Variants in RMC1 observed in about 807,000 individuals in gnomAD.
RMC1 encodes the protein regulator of MON1-CCZ1 complex.
Under a neutral mutation model 95.5 loss-of-function variants are expected in RMC1, and 44 were observed. That is an observed-to-expected ratio of 0.46 (90% confidence interval 0.36 to 0.59). RMC1 has a LOEUF of 0.59. Ranked by LOEUF, RMC1 falls within the 20% of genes least tolerant of loss-of-function variation. The pLI is 0.00. For missense variants in RMC1, 705 were observed against 819.6 expected (o/e 0.86, Z 1.71); for synonymous variants, 320 against 303.6 (o/e 1.05, Z -0.56).
chr18:23,514,724 C>T (rs2057954545), intron 5 of RMC1, among the ~76,000 whole-genome samples: 1 of 152,128 alleles, frequency 6.6e-6, no homozygotes, highest in Non-Finnish European at 1.5e-5. Flanking sequence ...TCTTTCTGTT[C>T]TCTGCAGTGG....
At chr18:23,523,087 T>C (rs1232355191) in intron 10 of RMC1, among the ~76,000 whole-genome samples, 2 of 152,064 alleles carry the variant, frequency 1.3e-5, no homozygotes, top group Non-Finnish European at 2.9e-5. Flanking sequence ...GTGAGGGCTG[T>C]GCACTCGGCG....
chr18:23,519,267 C>T, intron 9 of RMC1, 93 bp downstream of exon 9: 1 of 1,160,766 alleles, frequency 8.6e-7, no homozygotes, highest in South Asian at 1.3e-5. Flanking sequence ...CCTGTAATCC[C>T]AGCACTTTGG....
Position 23,531,513 on chromosome 18 carries a change from T to C in RMC1, c.1895-112T>C, listed in dbSNP as rs1165630942. ...AACCCCAAAACTTAGGAAAACAATG[T>C]ATTTTATTAAAGAAAAATAAGTTAA... On this transcript the variant is annotated intron_variant, in intron 19 of 19. Transcript: ENST00000269221. 2.0e-6 allele frequency: 3 copies of C among 1,504,300 alleles called. No individual in the cohort carries two copies. The African/African-American group carries it at 4.2e-5, about 21-fold the overall frequency. The allele number at this position is 1,504,300 out of a possible 1,614,324, so 93.2% of individuals were successfully genotyped here. A position where few individuals can be genotyped will look rare whatever the true frequency, so the allele number is the denominator to read the frequency against.
At chr18:23,510,834 G>C (rs961965478) in intron 5 of RMC1, among the ~76,000 whole-genome samples, 7 of 152,312 alleles carry the variant, frequency 4.6e-5, no homozygotes, top group African/African-American at 1.7e-4. Flanking sequence ...AACAGATACT[G>C]GCAAGGTTGT....
chr18:23,517,953 G>T (rs1202890946), intron 7 of RMC1, among the ~76,000 whole-genome samples: 1 of 152,066 alleles, frequency 6.6e-6, no homozygotes, highest in Non-Finnish European at 1.5e-5. Flanking sequence ...CCTGGGCTCG[G>T]GTGATCCTCC....
chr18:23,506,208 G>C lies in RMC1; in HGVS notation c.180-762G>C, dbSNP rs570620111. On this transcript the variant is annotated intron_variant, in intron 2 of 19. Coordinates refer to ENST00000269221, the MANE Select transcript of RMC1 (RefSeq NM_013326.5). ...AGATTTTTAAAAGCAGCTTTATTGA[G>C]GCATAGTTGACACATAATAAACTGT... The C allele has an allele frequency of 2.6e-5, 4 of 151,682 alleles. No individual in the cohort carries two copies. The East Asian group carries it at 7.7e-4, about 29-fold the overall frequency. 9.4% of individuals were successfully genotyped at this position (151,682 alleles called of 1,614,324 possible). A position where few individuals can be genotyped will look rare whatever the true frequency, so the allele number is the denominator to read the frequency against.
intron 11 of RMC1, 78 bp from the exon 12 acceptor site, chr18:23,524,351 A>C: frequency 1.3e-6 from 2 of 1,539,770 alleles, no homozygotes; most frequent in Non-Finnish European, 1.8e-6. Flanking sequence ...CATGGTGGGC[A>C]GGGGCGAGTG....
rs144687654 is a variant in RMC1, at chr18:23,531,685, T to G, written c.1955T>G (p.Met652Arg). ...FKQIFGDQAL[M>R]RPTTF Reference sequence around the variant, plus strand: ...CAGATTTTTGGAGACCAAGCTCTAATGAGGCCTACAACATTCTGAAATCAC... The same window carrying G: ...CAGATTTTTGGAGACCAAGCTCTAAGGAGGCCTACAACATTCTGAAATCAC... Residue 652 changes from methionine to arginine, a missense_variant, in exon 20 of 20, where the codon ATG (methionine) becomes AGG (arginine). Physicochemically the swap from Met to Arg is moderately conservative, Grantham distance 91. Coordinates refer to ENST00000269221, the MANE Select transcript of RMC1 (RefSeq NM_013326.5). 404 of 1,613,132 alleles carry G rather than the reference T, an allele frequency of 2.5e-4. 1 individual carries two copies. The highest frequency in any genetic ancestry group is 3.2e-4 in the Non-Finnish European group (376 of 1,179,850).
At position 23,529,309 on chromosome 18, in the gene RMC1, G is replaced by A. The variant is rs754095356; in HGVS notation, c.1416+11G>A. On this transcript the variant is annotated intron_variant, in intron 15 of 19. Transcript: ENST00000269221. ...TTTGTGGAAAAGAAGGTGGGCTGCA[G>A]CTTTCCGCCTCTTCTGGACTGAGAA... is the stretch of plus-strand genomic sequence containing the variant. 3 of 1,602,762 alleles carry A rather than the reference G, an allele frequency of 1.9e-6. No homozygotes were observed. Among genetic ancestry groups the A allele is most frequent in the Non-Finnish European group, 2.5e-6 (3 of 1,177,462 alleles).
chr18:23,512,160 A>G (rs1216597570), intron 5 of RMC1, among the ~76,000 whole-genome samples: 2 of 151,384 alleles, frequency 1.3e-5, no homozygotes, highest in African/African-American at 2.4e-5. Flanking sequence ...AGCTGGGTCT[A>G]CAGGCGCCCA....
chr18:23,526,791 C>T (rs1232957650), intron 13 of RMC1, 26 bp downstream of exon 13: 2 of 1,611,554 alleles, frequency 1.2e-6, no homozygotes, highest in Non-Finnish European at 1.7e-6. Flanking sequence ...CCCCCTTGCT[C>T]TGATTCCAGT....
intron 19 of RMC1, among the ~76,000 whole-genome samples, chr18:23,530,963 G>T (rs981407723): frequency 6.6e-6 from 1 of 152,064 alleles, no homozygotes; most frequent in African/African-American, 2.4e-5. Flanking sequence ...GCTTATTAAG[G>T]TTTCAGTTTT....
chr18:23,520,207 G>T lies in RMC1; in HGVS notation c.855G>T (p.Ser285=). ...VVVHHQDTET[S]VIFDIKLRGE... is the part of the protein sequence containing the mutation. ...CTTGTCTTTTTCCCCCCCAGACATC[G>T]GTAATATTCGATATCAAGTTACGGG... Residue 285 remains serine, a synonymous_variant, in exon 10 of 20, where the codon TCG becomes TCT. Transcript: ENST00000269221. 6.2e-7 allele frequency: 1 copy of T among 1,613,522 alleles called. No homozygotes were observed. Among genetic ancestry groups the T allele is most frequent in the Non-Finnish European group, 8.5e-7 (1 of 1,179,546 alleles).
At position 23,516,727 on chromosome 18, in the gene RMC1, C is replaced by CTTTT. The variant is rs35162212; in HGVS notation, c.653+316_653+319dup. On this transcript the variant is annotated intron_variant, in intron 7 of 19. Transcript: ENST00000269221. ...TATCTTTGTTTTAGAATTTCTTCTT[C>CTTTT]TTTTTTTTTTTTTTTCGAGACAGAG... Among the ~76,000 whole-genome samples, 16 of 73,942 alleles carry CTTTT rather than the reference C, an allele frequency of 2.2e-4. No homozygotes were observed. The East Asian group carries it at 8.9e-3, about 41-fold the overall frequency. The allele number at this position is 73,942 out of a possible 152,430, so 48.5% of individuals were successfully genotyped here.
At position 23,507,857 on chromosome 18, in the gene RMC1, G is replaced by A. The variant is rs148135838; in HGVS notation, c.265-128G>A. 38 of 672,238 alleles carry A rather than the reference G, an allele frequency of 5.7e-5. No individual in the cohort carries two copies. In the African/African-American group the frequency reaches 5.8e-4, roughly 10 times the overall value. The allele number at this position is 672,238 out of a possible 1,614,324, so 41.6% of individuals were successfully genotyped here. On this transcript the variant is annotated intron_variant, in intron 3 of 19. Coordinates refer to ENST00000269221, the MANE Select transcript of RMC1 (RefSeq NM_013326.5). ...TTTTTATCTTTCCTGTGTTTTGGTTGTCTTCAGTTATTTTCTGGTCACTTT... is the reference window on the plus strand; with the variant it reads ...TTTTTATCTTTCCTGTGTTTTGGTTATCTTCAGTTATTTTCTGGTCACTTT...
Position 23,529,269 on chromosome 18 carries a change from C to T in RMC1, c.1387C>T (p.His463Tyr), listed in dbSNP as rs2058409130. Residue 463 changes from histidine to tyrosine, a missense_variant, in exon 15 of 20, where the codon CAT (histidine) becomes TAT (tyrosine). Physicochemically the swap from His to Tyr is moderately conservative, Grantham distance 83. Coordinates refer to ENST00000269221, the MANE Select transcript of RMC1 (RefSeq NM_013326.5). ...AVLDQSDVYTHVLSAFVEKKE... is the reference protein window; with the variant it reads ...AVLDQSDVYTYVLSAFVEKKE... ...GCTGGACCAGTCAGATGTGTACACCCATGTCCTGTCAGCCTTTGTGGAAAA... is the reference window on the plus strand; with the variant it reads ...GCTGGACCAGTCAGATGTGTACACCTATGTCCTGTCAGCCTTTGTGGAAAA... 1 of 1,613,538 alleles carries T rather than the reference C, an allele frequency of 6.2e-7. No homozygotes were observed. Among genetic ancestry groups the T allele is most frequent in the South Asian group, 1.1e-5 (1 of 91,024 alleles).
intron 5 of RMC1, among the ~76,000 whole-genome samples, chr18:23,510,546 C>A (rs1484750731): frequency 1.3e-5 from 2 of 151,980 alleles, no homozygotes; most frequent in Non-Finnish European, 2.9e-5. Context: ...ACTAGGGAGG[C>A]TGAGGCCAGG....
intron 5 of RMC1, among the ~76,000 whole-genome samples, chr18:23,513,701 C>G (rs952221142): frequency 2.6e-5 from 4 of 152,178 alleles, no homozygotes; most frequent in Admixed American, 2.0e-4. Context: ...CTCACCAACA[C>G]TTGCTGTTTT....
chr18:23,512,599 C>CT (rs761104196), intron 5 of RMC1, among the ~76,000 whole-genome samples: 316 of 141,832 alleles, frequency 2.2e-3, no homozygotes, highest in Non-Finnish European at 2.7e-3. Flanking sequence ...TTTTTTTTTC[C>CT]TTTTTTTTTT....
Sources: gnomAD v4.1 joint callset for allele counts (sites outside exome capture counted in the v4.1 genomes callset) on GRCh38, gnomAD v4.1.1 for gene constraint, MANE v1.5 for transcripts, NCBI Gene and HGNC (gene_info 2026-07-23, HGNC 2026-07-21) for gene names.